The following REDIC1 variants were observed in gnomAD, a reference collection of about 807,000 sequenced individuals.
REDIC1 encodes the protein HEI10 Interacting Protein 1.
the REDIC1 span, chr12:39,764,544 C>T: frequency 1.2e-6 from 2 of 1,611,996 alleles, no homozygotes; most frequent in Non-Finnish European, 1.7e-6. Flanking sequence ...GATGAACATG[C>T]ATTTCCTGTA....
chr12:39,764,627 A>AT, the REDIC1 span: 1 of 1,581,450 alleles, frequency 6.3e-7, no homozygotes. Flanking sequence ...GAAATAAAAC[A>AT]TTAAAAACTT....
At chr12:39,772,041 C>T in the REDIC1 span, among the ~76,000 whole-genome samples, 11 of 152,014 alleles carry the variant, frequency 7.2e-5, no homozygotes, top group Admixed American at 2.6e-4. Context: ...TTCACCTGTC[C>T]GAGATATTCT....
chr12:39,646,439 T>G, the REDIC1 span: 1 of 1,548,906 alleles, frequency 6.5e-7, no homozygotes, highest in Non-Finnish European at 8.7e-7. Context: ...TTCTAAACTC[T>G]GCCTTGATGA....
At chr12:39,778,971 G>T in the REDIC1 span, among the ~76,000 whole-genome samples, 1 of 152,108 alleles carries the variant, frequency 6.6e-6, no homozygotes, top group Non-Finnish European at 1.5e-5. Flanking sequence ...ACCACTAATT[G>T]CAGGGAAAAG....
the REDIC1 span, among the ~76,000 whole-genome samples, chr12:39,657,377 C>T: frequency 5.3e-5 from 8 of 152,126 alleles, no homozygotes; most frequent in Non-Finnish European, 8.8e-5. Flanking sequence ...TAAGTACACC[C>T]TATGATGTTC....
chr12:39,874,999 CACACTAA>C, the REDIC1 span, among the ~76,000 whole-genome samples: 1 of 152,232 alleles, frequency 6.6e-6, no homozygotes. Flanking sequence ...GACTTCAGCC[CACACTAA>C]ATTTTGTCCT....
At chr12:39,733,835 G>T in the REDIC1 span, among the ~76,000 whole-genome samples, 7 of 152,234 alleles carry the variant, frequency 4.6e-5, no homozygotes, top group Non-Finnish European at 7.3e-5. Flanking sequence ...TTATCTTGAA[G>T]GGCTCTGTGG....
chr12:39,853,169 G>C, the REDIC1 span, among the ~76,000 whole-genome samples: 1 of 152,012 alleles, frequency 6.6e-6, no homozygotes, highest in Non-Finnish European at 1.5e-5. Flanking sequence ...GCCTAGTTAC[G>C]CTCACAAAGA....
At chr12:39,897,763 A>T in the REDIC1 span, among the ~76,000 whole-genome samples, 1 of 152,170 alleles carries the variant, frequency 6.6e-6, no homozygotes, top group Non-Finnish European at 1.5e-5. Flanking sequence ...ATATTTTAAA[A>T]AATCATTTTC....
At chr12:39,781,719 A>G in the REDIC1 span, among the ~76,000 whole-genome samples, 6 of 152,224 alleles carry the variant, frequency 3.9e-5, no homozygotes, top group African/African-American at 1.4e-4. Flanking sequence ...ACACACAAAC[A>G]CATAGACAAG....
chr12:39,649,458 GT>G, the REDIC1 span, among the ~76,000 whole-genome samples: 1 of 151,568 alleles, frequency 6.6e-6, no homozygotes, highest in Admixed American at 6.6e-5. Flanking sequence ...AAGGGATAAA[GT>G]TTTGCACCTC....
chr12:39,745,912 C>T, the REDIC1 span: 2 of 152,218 alleles, frequency 1.3e-5, no homozygotes, highest in Admixed American at 1.3e-4. Flanking sequence ...GCTTGAGATG[C>T]ATGGACCTAT....
chr12:39,775,495 G>A, the REDIC1 span, among the ~76,000 whole-genome samples: 1 of 152,202 alleles, frequency 6.6e-6, no homozygotes, highest in East Asian at 1.9e-4. Context: ...TCTGCCTTGG[G>A]GAGGGTCCAC....
chr12:39,683,405 ATTTT>A, the REDIC1 span: 2 of 1,567,644 alleles, frequency 1.3e-6, no homozygotes, highest in Non-Finnish European at 1.8e-6. Context: ...GCATACTTTT[ATTTT>A]TTAAGAAAAA....
the REDIC1 span, among the ~76,000 whole-genome samples, chr12:39,638,530 T>C: frequency 6.6e-6 from 1 of 152,066 alleles, no homozygotes; most frequent in Non-Finnish European, 1.5e-5. Flanking sequence ...ATAAATTTAT[T>C]TTCTGTTTGA....
chr12:39,760,407 A>G, the REDIC1 span, among the ~76,000 whole-genome samples: 6 of 151,998 alleles, frequency 3.9e-5, no homozygotes, highest in Non-Finnish European at 7.4e-5. Flanking sequence ...GTTTACTCCA[A>G]TTGTTCCAAC....
the REDIC1 span, among the ~76,000 whole-genome samples, chr12:39,786,116 G>A: frequency 3.9e-5 from 6 of 151,960 alleles, no homozygotes; most frequent in East Asian, 9.7e-4. Flanking sequence ...GATTTGGAGG[G>A]GCCAGGGGCG....
chr12:39,741,633 T>C, the REDIC1 span, among the ~76,000 whole-genome samples: 1 of 152,208 alleles, frequency 6.6e-6, no homozygotes, highest in African/African-American at 2.4e-5. Context: ...TCCCACAGTT[T>C]GGTTTTACAC....
the REDIC1 span, among the ~76,000 whole-genome samples, chr12:39,822,476 C>T: frequency 3.3e-4 from 51 of 152,300 alleles, no homozygotes; most frequent in Non-Finnish European, 6.6e-4. Flanking sequence ...GCACCAGCCA[C>T]GCATTTTCCT....
Sources: gnomAD v4.1 joint callset for allele counts (sites outside exome capture counted in the v4.1 genomes callset) on GRCh38, gnomAD v4.1.1 for gene constraint, MANE v1.5 for transcripts, NCBI Gene and HGNC (gene_info 2026-07-23, HGNC 2026-07-21) for gene names.